The following ST8SIA1 variants were observed in gnomAD, a reference collection of about 807,000 sequenced individuals.
ST8SIA1 encodes alpha-N-acetylneuraminide alpha-2,8-sialyltransferase.
Under a neutral mutation model 35.9 loss-of-function variants are expected in ST8SIA1, and 16 were observed. The ratio of observed to expected loss-of-function variants is 0.45; its 90% CI spans 0.30 to 0.68. ST8SIA1 has a LOEUF of 0.68. Ranked by LOEUF, ST8SIA1 falls within the 30% of genes least tolerant of loss-of-function variation. The pLI is 0.09. For synonymous variants in ST8SIA1, 170 were observed against 169.6 expected (o/e 1.00, Z -0.02); for missense variants, 383 against 453.6 (o/e 0.84, Z 1.41).
intron 4 of ST8SIA1, among the ~76,000 whole-genome samples, chr12:22,217,675 C>T (rs966845732): frequency 4.3e-4 from 65 of 152,284 alleles, no homozygotes; most frequent in African/African-American, 1.5e-3. Context: ...ATATGTATAA[C>T]ACACTTAGAA....
chr12:22,299,216 TAA>T (rs34617030), intron 1 of ST8SIA1, among the ~76,000 whole-genome samples: 2 of 152,072 alleles, frequency 1.3e-5, no homozygotes, highest in Admixed American at 6.6e-5. Context: ...ACATTCTTTC[TAA>T]AAAAAGTGTC....
Position 22,200,856 on chromosome 12 carries a change from C to T in ST8SIA1, c.*696G>A, listed in dbSNP as rs1281089445. On this transcript the variant is annotated 3_prime_UTR_variant, in exon 5 of 5. Coordinates refer to ENST00000396037, the MANE Select transcript of ST8SIA1 (RefSeq NM_003034.4). ...AGGAAAGTGGCTCCTGTTATCCAGA[C>T]TATGAAGCAACACAGTCTAAATTCA... 1 of 152,062 alleles carries T rather than the reference C, an allele frequency of 6.6e-6. No homozygotes were observed. The highest frequency in any genetic ancestry group is 1.5e-5 in the Non-Finnish European group (1 of 68,022). 9.4% of individuals were successfully genotyped at this position (152,062 alleles called of 1,614,324 possible).
intron 2 of ST8SIA1, among the ~76,000 whole-genome samples, chr12:22,276,163 C>A (rs1865965994): frequency 6.6e-6 from 1 of 152,152 alleles, no homozygotes; most frequent in Admixed American, 6.5e-5. Context: ...CACAACCCAG[C>A]AACAACAAAA....
intron 2 of ST8SIA1, among the ~76,000 whole-genome samples, chr12:22,269,418 A>C (rs1384182916): frequency 2.6e-5 from 4 of 152,292 alleles, no homozygotes; most frequent in South Asian, 2.1e-4. Context: ...TTCCCATCCT[A>C]AATGGCTTGT....
chr12:22,284,078 C>T (rs1483750329), intron 2 of ST8SIA1, among the ~76,000 whole-genome samples: 1 of 152,156 alleles, frequency 6.6e-6, no homozygotes. Flanking sequence ...ATAGTTACCT[C>T]CTGAGGATAC....
chr12:22,278,625 T>C (rs908977042), intron 2 of ST8SIA1, among the ~76,000 whole-genome samples: 2 of 152,208 alleles, frequency 1.3e-5, no homozygotes, highest in African/African-American at 2.4e-5. Context: ...TATATGGGGC[T>C]GTTAGCCAGT....
chr12:22,319,627 G>A (rs1591856295), intron 1 of ST8SIA1, among the ~76,000 whole-genome samples: 2 of 152,202 alleles, frequency 1.3e-5, no homozygotes. Context: ...AGGGCTGGGG[G>A]AAGAGTCTGA....
At chr12:22,221,769 TA>T (rs1332162463) in intron 4 of ST8SIA1, among the ~76,000 whole-genome samples, 1 of 152,250 alleles carries the variant, frequency 6.6e-6, no homozygotes, top group Non-Finnish European at 1.5e-5. Context: ...GCTTTTAAAA[TA>T]AACCTTTTCC....
intron 4 of ST8SIA1, among the ~76,000 whole-genome samples, chr12:22,243,626 A>G (rs1022180052): frequency 1.3e-5 from 2 of 152,226 alleles, no homozygotes; most frequent in African/African-American, 2.4e-5. Flanking sequence ...GATCCCTTCT[A>G]TAAAATGGAA....
At chr12:22,248,543 C>T (rs1865630538) in intron 4 of ST8SIA1, among the ~76,000 whole-genome samples, 1 of 152,154 alleles carries the variant, frequency 6.6e-6, no homozygotes, top group Non-Finnish European at 1.5e-5. Flanking sequence ...ATACAGTATA[C>T]TATAACCACA....
intron 2 of ST8SIA1, among the ~76,000 whole-genome samples, chr12:22,274,463 T>A (rs1204066810): frequency 6.6e-6 from 1 of 152,174 alleles, no homozygotes; most frequent in African/African-American, 2.4e-5. Context: ...AGAAATTATC[T>A]TCACAAGTAT....
intron 1 of ST8SIA1, among the ~76,000 whole-genome samples, chr12:22,291,974 A>G (rs1054995051): frequency 1.3e-5 from 2 of 152,224 alleles, no homozygotes; most frequent in African/African-American, 4.8e-5. Flanking sequence ...TAAATAATAT[A>G]AAGCAGAATA....
intron 1 of ST8SIA1, among the ~76,000 whole-genome samples, chr12:22,301,841 A>G (rs1022825524): frequency 1.3e-5 from 2 of 152,172 alleles, no homozygotes; most frequent in Non-Finnish European, 2.9e-5. Context: ...TGGAACCTCA[A>G]GAAGAGAGTA....
intron 1 of ST8SIA1, among the ~76,000 whole-genome samples, chr12:22,288,545 G>A (rs1269552452): frequency 1.3e-5 from 2 of 152,264 alleles, no homozygotes; most frequent in East Asian, 1.9e-4. Flanking sequence ...GGAGCCCCGC[G>A]GTGTGGGCAA....
intron 2 of ST8SIA1, among the ~76,000 whole-genome samples, 163 bp from the exon 3 acceptor site, chr12:22,255,552 T>C (rs1395313693): frequency 1.3e-5 from 2 of 152,192 alleles, no homozygotes; most frequent in Non-Finnish European, 2.9e-5. Context: ...AGGAACAAAC[T>C]AGTCTGTTGC....
intron 4 of ST8SIA1, among the ~76,000 whole-genome samples, chr12:22,217,614 A>T (rs931574602): frequency 4.6e-5 from 7 of 152,340 alleles, no homozygotes; most frequent in African/African-American, 1.7e-4. Flanking sequence ...ATTTGAAAAA[A>T]ATAATAATAG....
rs1866819629 is a variant in ST8SIA1, at chr12:22,334,398, C to A, written c.-166G>T. 1 of 611,384 alleles carries A rather than the reference C, an allele frequency of 1.6e-6. No individual in the cohort carries two copies. The highest frequency in any genetic ancestry group is 2.8e-5 in the East Asian group (1 of 36,254). The allele number at this position is 611,384 out of a possible 1,614,324, so 37.9% of individuals were successfully genotyped here. ...CGGCCCCGTCGGCCCCAAAGGTCAG[C>A]GCAAGGATTTTTTCAAATGCAACTT... On this transcript the variant is annotated 5_prime_UTR_variant, in exon 1 of 5. Coordinates refer to ENST00000396037, the MANE Select transcript of ST8SIA1 (RefSeq NM_003034.4).
chr12:22,236,553 G>T (rs552641734), intron 4 of ST8SIA1, among the ~76,000 whole-genome samples: 2 of 152,158 alleles, frequency 1.3e-5, no homozygotes, highest in Non-Finnish European at 2.9e-5. Flanking sequence ...GGTACAAATT[G>T]TTGGCCCAGT....
At chr12:22,316,121 A>G (rs1418725107) in intron 1 of ST8SIA1, among the ~76,000 whole-genome samples, 1 of 152,218 alleles carries the variant, frequency 6.6e-6, no homozygotes, top group Non-Finnish European at 1.5e-5. Flanking sequence ...TAACATATAA[A>G]TGAGTGAAAT....
Sources: gnomAD v4.1 joint callset for allele counts (sites outside exome capture counted in the v4.1 genomes callset) on GRCh38, gnomAD v4.1.1 for gene constraint, MANE v1.5 for transcripts, NCBI Gene and HGNC (gene_info 2026-07-23, HGNC 2026-07-21) for gene names.